Variants in MBP observed in about 807,000 individuals in gnomAD.
MBP encodes Golli-MBP.
In MBP, 16 loss-of-function variants were observed where a neutral mutation model predicts 35.8. That is an observed-to-expected ratio of 0.45 (90% CI 0.30 to 0.68). The LOEUF (loss-of-function observed/expected upper bound fraction) is 0.68, where lower values mean the gene tolerates loss of function less well. MBP is among the 30% of genes least tolerant of loss of function. The probability of loss-of-function intolerance (pLI) is 0.08; values close to 1 mark genes in which losing one functional copy is unlikely to be tolerated. For synonymous variants in MBP, 143 were observed against 159.6 expected, an observed-to-expected ratio of 0.90 and a Z score of 0.78; for missense variants, 380 against 404.7, an observed-to-expected ratio of 0.94 and a Z score of 0.52.
At chr18:77,031,046 G>T (rs1241153424) in intron 3 of MBP, among the ~76,000 whole-genome samples, 7 of 149,846 alleles carry the variant, frequency 4.7e-5, no homozygotes, top group African/African-American at 1.7e-4. Flanking sequence ...GAGAAATAAA[G>T]AAAAGTTATC....
intron 4 of MBP, among the ~76,000 whole-genome samples, chr18:77,009,491 C>T (rs894000891): frequency 6.6e-6 from 1 of 152,212 alleles, no homozygotes; most frequent in African/African-American, 2.4e-5. Flanking sequence ...CCAGGCCAGC[C>T]CTCAATACCA....
At chr18:76,994,379 T>G (rs527888394) in intron 4 of MBP, among the ~76,000 whole-genome samples, 1 of 152,364 alleles carries the variant, frequency 6.6e-6, no homozygotes, top group Admixed American at 6.5e-5. Flanking sequence ...AAAAATGACT[T>G]AAACTTTTTA....
At chr18:76,995,215 A>C (rs1346105570) in intron 4 of MBP, among the ~76,000 whole-genome samples, 1 of 152,228 alleles carries the variant, frequency 6.6e-6, no homozygotes, top group Admixed American at 6.5e-5. Flanking sequence ...GAGACATACT[A>C]TGTTCATGAA....
intron 1 of MBP, among the ~76,000 whole-genome samples, chr18:77,108,038 A>G (rs1480532317): frequency 6.6e-6 from 1 of 152,226 alleles, no homozygotes; most frequent in Non-Finnish European, 1.5e-5. Context: ...GAGCACCGGT[A>G]AGTGAGACGT....
Position 77,110,168 on chromosome 18 carries a change from A to G in MBP, c.-25-4882T>C, listed in dbSNP as rs763895286. The stretch of plus-strand genomic sequence containing the variant: ...AGGAATATATTTTAGTTATGAACAG[A>G]GTTATTTACATTTTGAATGTCCCAT... On this transcript the variant is annotated intron_variant, in intron 1 of 8. Coordinates refer to ENST00000355994, the MANE Select transcript of MBP (RefSeq NM_001025101.2). The G allele has an allele frequency of 3.8e-4, 58 of 152,158 alleles. 1 individual carries two copies. Among genetic ancestry groups the G allele is most frequent in the Admixed American group, 3.4e-3 (52 of 15,284 alleles). 9.4% of individuals were successfully genotyped at this position (152,158 alleles called of 1,614,324 possible). A position where few individuals can be genotyped will look rare whatever the true frequency, so the allele number is the denominator to read the frequency against.
At chr18:77,091,533 CCACA>C (rs1312661748) in intron 2 of MBP, among the ~76,000 whole-genome samples, 1 of 151,956 alleles carries the variant, frequency 6.6e-6, no homozygotes, top group Non-Finnish European at 1.5e-5. Context: ...CGGGAAGAGG[CCACA>C]CAGTGTTCAA....
intron 1 of MBP, among the ~76,000 whole-genome samples, chr18:77,130,674 T>G (rs1315889512): frequency 6.7e-6 from 1 of 149,984 alleles, no homozygotes; most frequent in African/African-American, 2.4e-5. Context: ...CACAAGAAAG[T>G]TTGGTCTCTT....
At chr18:77,062,986 T>A (rs1364093990) in intron 3 of MBP, among the ~76,000 whole-genome samples, 1 of 152,218 alleles carries the variant, frequency 6.6e-6, no homozygotes, top group African/African-American at 2.4e-5. Flanking sequence ...AACCTAGAGA[T>A]GACCATCACA....
intron 2 of MBP, chr18:77,095,542 C>T (rs548096681): frequency 6.6e-6 from 1 of 152,330 alleles, no homozygotes; most frequent in East Asian, 1.9e-4. Context: ...AGTGATCTGG[C>T]TTTCCTTTCT....
intron 3 of MBP, among the ~76,000 whole-genome samples, chr18:77,036,330 A>G (rs1192464776): frequency 9.7e-5 from 12 of 123,474 alleles, no homozygotes; most frequent in Non-Finnish European, 1.5e-4. Context: ...TGCTGGTCAC[A>G]TTTTGGAGAC....
chr18:77,090,111 C>T (rs1388940547), intron 2 of MBP, among the ~76,000 whole-genome samples: 2 of 152,186 alleles, frequency 1.3e-5, no homozygotes, highest in Non-Finnish European at 2.9e-5. Flanking sequence ...CATGGAGACC[C>T]ACCTGTCAGA....
chr18:77,099,233 G>T (rs1474851674), intron 2 of MBP, among the ~76,000 whole-genome samples: 1 of 152,192 alleles, frequency 6.6e-6, no homozygotes, highest in Non-Finnish European at 1.5e-5. Flanking sequence ...GTCTCAGTGT[G>T]TTCTGCCTGG....
At chr18:77,029,983 C>T (rs1972482635) in intron 3 of MBP, among the ~76,000 whole-genome samples, 1 of 152,170 alleles carries the variant, frequency 6.6e-6, no homozygotes. Context: ...AGGGGCCTCA[C>T]AGGGCCCCAC....
At chr18:77,049,063 G>T (rs1465101201) in intron 3 of MBP, among the ~76,000 whole-genome samples, 1 of 152,072 alleles carries the variant, frequency 6.6e-6, no homozygotes, top group African/African-American at 2.4e-5. Flanking sequence ...GGGACTACAG[G>T]CACCTGCCAC....
chr18:77,013,726 C>A (rs775728401), intron 4 of MBP: 49 of 985,282 alleles, frequency 5.0e-5, no homozygotes, highest in Non-Finnish European at 5.7e-5. Context: ...CTTTCGAAAA[C>A]CTCCCTAAAA....
At chr18:76,990,643 C>T (rs1480969649) in intron 4 of MBP, among the ~76,000 whole-genome samples, 1 of 152,120 alleles carries the variant, frequency 6.6e-6, no homozygotes, top group African/African-American at 2.4e-5. Flanking sequence ...CTTAGAAGAG[C>T]CTGTCTAAAG....
intron 2 of MBP, among the ~76,000 whole-genome samples, chr18:77,086,202 C>A (rs554352331): frequency 6.6e-6 from 1 of 152,314 alleles, no homozygotes; most frequent in East Asian, 1.9e-4. Context: ...AAATCTGTTC[C>A]AACTTGTCCT....
chr18:77,011,271 G>A (rs182280170), intron 4 of MBP, among the ~76,000 whole-genome samples: 2 of 152,296 alleles, frequency 1.3e-5, no homozygotes, highest in Admixed American at 6.5e-5. Context: ...ATAAGCCTGC[G>A]GGAGTTGCTG....
At chr18:77,070,182 C>T (rs545072818) in intron 2 of MBP, among the ~76,000 whole-genome samples, 1 of 152,184 alleles carries the variant, frequency 6.6e-6, no homozygotes, top group African/African-American at 2.4e-5. Context: ...GCAGACGGGG[C>T]TCAGACTTAC....
Sources: allele counts gnomAD v4.1 joint callset (sites outside exome capture counted in the v4.1 genomes callset), GRCh38; gene constraint gnomAD v4.1.1; transcripts MANE v1.5; gene names NCBI Gene and HGNC (gene_info 2026-07-23, HGNC 2026-07-21).